Variants in TMEM126B observed in about 807,000 individuals in gnomAD.
TMEM126B encodes the protein complex I assembly factor TMEM126B, mitochondrial.
A neutral mutation model predicts 16.5 loss-of-function variants in TMEM126B; 19 were observed. The ratio of observed to expected loss-of-function variants is 1.15; its 90% CI spans 0.80 to 1.69. The LOEUF is 1.69. Among genes scored for constraint, TMEM126B ranks in the 40% most tolerant of loss-of-function variants. TMEM126B has a pLI of 0.00. For synonymous variants in TMEM126B, 104 were observed against 93.2 expected (o/e 1.12, Z -0.67); for missense variants, 293 against 278.7 (o/e 1.05, Z -0.37).
intron 2 of TMEM126B, among the ~76,000 whole-genome samples, chr11:85,633,212 T>G (rs2082337219): frequency 6.6e-6 from 1 of 152,204 alleles, no homozygotes; most frequent in South Asian, 2.1e-4. Context: ...TTGCTGGACA[T>G]TTGGGTTGGT....
In TMEM126B at chr11:85,631,025, G is replaced by A. The variant is rs1565790404; in HGVS notation, c.82-662G>A. On this transcript the variant is annotated intron_variant, in intron 1 of 4. Transcript: ENST00000358867. ...ATAGGGAACTGGATATATAATTTAT[G>A]TACTCCAAAGTAGTAGCCACAATCC... 1.5e-5 allele frequency: 9 copies of A among 613,790 alleles called. No individual in the cohort carries two copies. The Admixed American group carries it at 1.9e-4, about 13-fold the overall frequency. The allele number at this position is 613,790 out of a possible 1,614,324, so 38.0% of individuals were successfully genotyped here.
In TMEM126B at chr11:85,636,353, A is replaced by C. The variant is rs1220126127; in HGVS notation, c.*124A>C. 1 of 602,854 alleles carries C rather than the reference A, an allele frequency of 1.7e-6. No individual in the cohort carries two copies. The highest frequency in any genetic ancestry group is 1.9e-5 in the African/African-American group (1 of 53,840). 37.3% of individuals were successfully genotyped at this position (602,854 alleles called of 1,614,324 possible). ...TTGTTCTGTGCCTTTTGCCTGGTAT[A>C]TAGCAAATACTCAAAAAGTATTCAA... On this transcript the variant is annotated 3_prime_UTR_variant, in exon 5 of 5. Coordinates refer to ENST00000358867, the MANE Select transcript of TMEM126B (RefSeq NM_018480.7).
At chr11:85,629,027 T>C in intron 1 of TMEM126B, 1 of 478,806 alleles carries the variant, frequency 2.1e-6, no homozygotes, top group Non-Finnish European at 4.1e-6. Flanking sequence ...TGTCACTTCT[T>C]CCGGGAAGCC....
rs1402172536 is a variant in TMEM126B at position 85,636,263 on chromosome 11, TGAA to T, written c.*36_*38del. 7.2e-7 allele frequency: 1 copy of T among 1,395,888 alleles called. No individual in the cohort carries two copies. Among genetic ancestry groups the T allele is most frequent in the Admixed American group, 2.7e-5 (1 of 36,890 alleles). 86.5% of individuals were successfully genotyped at this position (1,395,888 alleles called of 1,614,324 possible). A position where few individuals can be genotyped will look rare whatever the true frequency, so the allele number is the denominator to read the frequency against. ...ATGAATGGTTGCTAACTTAGCAAAA[TGAA>T]GTTTCTATAAAGAGGACTCAGGCAT... On this transcript the variant is annotated 3_prime_UTR_variant, in exon 5 of 5. Transcript: ENST00000358867.
rs779430515 is a variant in TMEM126B at position 85,628,666 on chromosome 11, T to G, written c.59T>G (p.Val20Gly). 1 of 1,536,118 alleles carries G rather than the reference T, an allele frequency of 6.5e-7. No individual in the cohort carries two copies. Among genetic ancestry groups the G allele is most frequent in the South Asian group, 1.2e-5 (1 of 84,064 alleles). The change falls in exon 1 of 5, where the codon GTG (valine) becomes GGG (glycine). Residue 20 changes from valine to glycine, a missense_variant. By Grantham distance (109) the Val-to-Gly change is moderately radical. Coordinates refer to ENST00000358867, the MANE Select transcript of TMEM126B (RefSeq NM_018480.7). ...CCAAGGGATTCAGGTGTGGTGCCGG[T>G]GGGAACTGAGGAAGCGCCCAAGGTA... is the stretch of plus-strand genomic sequence containing the variant. ...TKPRDSGVVP[V>G]GTEEAPKVFK...
intron 2 of TMEM126B, among the ~76,000 whole-genome samples, chr11:85,633,018 G>A (rs2082332147): frequency 6.6e-6 from 1 of 151,792 alleles, no homozygotes; most frequent in Admixed American, 6.6e-5. Context: ...TGTTCTCATT[G>A]TTCATTTCCC....
chr11:85,631,771 A>G lies in TMEM126B; in HGVS notation c.166A>G (p.Ile56Val), dbSNP rs1246011858. 2 of 1,612,858 alleles carry G rather than the reference A, an allele frequency of 1.2e-6. No homozygotes were observed. The highest frequency in any genetic ancestry group is 1.7e-5 in the Admixed American group (1 of 59,690). ...AKLRRPMVIE[I>V]IEKNFDYLRK... ...ACTCAGAAGACCAATGGTCATAGAA[A>G]TCATAGAAAAAAATTTTGACTATCT... Residue 56 changes from isoleucine (I) to valine (V), a missense_variant, in exon 2 of 5, where the codon ATC becomes GTC. Coordinates refer to ENST00000358867, the MANE Select transcript of TMEM126B (RefSeq NM_018480.7).
chr11:85,629,197 C>G (rs1203583423), intron 1 of TMEM126B: 1 of 1,287,438 alleles, frequency 7.8e-7, no homozygotes, highest in African/African-American at 1.5e-5. Context: ...ATCTTGATTA[C>G]CCGGAGGTCT....
intron 2 of TMEM126B, among the ~76,000 whole-genome samples, chr11:85,633,244 A>C (rs969209446): frequency 6.6e-6 from 1 of 152,174 alleles, no homozygotes; most frequent in African/African-American, 2.4e-5. Flanking sequence ...GCTATTGTGA[A>C]TAGTGCCACA....
intron 3 of TMEM126B, among the ~76,000 whole-genome samples, chr11:85,635,378 C>T (rs1419014447): frequency 2.0e-5 from 3 of 152,232 alleles, no homozygotes; most frequent in Non-Finnish European, 4.4e-5. Flanking sequence ...TGCCACTGTA[C>T]TCTAGCCTGG....
At position 85,636,215 on chromosome 11, in the gene TMEM126B, A is replaced by G. The variant is rs1565794812; in HGVS notation, c.679A>G (p.Ile227Val). 2.0e-6 allele frequency: 3 copies of G among 1,531,446 alleles called. No homozygotes were observed. The highest frequency in any genetic ancestry group is 1.3e-5 in the South Asian group (1 of 78,398). The allele number at this position is 1,531,446 out of a possible 1,614,324, so 94.9% of individuals were successfully genotyped here. The change falls in exon 5 of 5, where the codon ATA (isoleucine) becomes GTA (valine). Residue 227 changes from isoleucine (I) to valine (V), a missense_variant. Ile to Val is a conservative substitution (Grantham distance 29, BLOSUM62 3). Transcript: ENST00000358867. ...ATTTGAAGAGACACTTGAGAAAACTATACATGAAGAGTAACCAAAAAAATG... is the reference window on the plus strand; with the variant it reads ...ATTTGAAGAGACACTTGAGAAAACTGTACATGAAGAGTAACCAAAAAAATG... Reference protein sequence around the residue: ...AVFEETLEKTIHEE With the variant: ...AVFEETLEKTVHEE
Position 85,630,351 on chromosome 11 carries a change from G to C in TMEM126B, c.82-1336G>C, listed in dbSNP as rs1327879202. ...CTCTTGTCTAGGACTCCTTAAATTTGAGATTTAGTATTTCCCTTTAATATA... is the reference window on the plus strand; with the variant it reads ...CTCTTGTCTAGGACTCCTTAAATTTCAGATTTAGTATTTCCCTTTAATATA... On this transcript the variant is annotated intron_variant, in intron 1 of 4. Coordinates refer to ENST00000358867, the MANE Select transcript of TMEM126B (RefSeq NM_018480.7). Among the ~76,000 whole-genome samples, 3 of 152,150 alleles carry C rather than the reference G, an allele frequency of 2.0e-5. 1 individual carries two copies. The highest frequency in any genetic ancestry group is 2.0e-4 in the Admixed American group (3 of 15,276).
chr11:85,633,057 GT>G (rs2082333134), intron 2 of TMEM126B, among the ~76,000 whole-genome samples: 1 of 151,874 alleles, frequency 6.6e-6, no homozygotes, highest in African/African-American at 2.4e-5. Context: ...GCGGTGTTTG[GT>G]TTTTTGTTCT....
rs114372556 is a variant in TMEM126B, at chr11:85,632,166, T to C, written c.203+358T>C. Among the ~76,000 whole-genome samples the C allele has an allele frequency of 6.4e-3, 979 of 152,340 alleles. 8 individuals carry two copies. The highest frequency in any genetic ancestry group is 0.023 in the African/African-American group (956 of 41,584). On this transcript the variant is annotated intron_variant, in intron 2 of 4. Coordinates refer to ENST00000358867, the MANE Select transcript of TMEM126B (RefSeq NM_018480.7). ...TGAGTAATTATAATCAGTTTAGGAT[T>C]GATTATCTCAGCCACAGTACTTAGT...
intron 2 of TMEM126B, among the ~76,000 whole-genome samples, chr11:85,632,513 G>A (rs993819061): frequency 2.6e-5 from 4 of 152,188 alleles, no homozygotes; most frequent in Non-Finnish European, 5.9e-5. Context: ...GACAGTTGAT[G>A]TTATTTCCTG....
intron 1 of TMEM126B, among the ~76,000 whole-genome samples, chr11:85,629,884 C>T (rs1242286865): frequency 6.6e-6 from 1 of 152,002 alleles, no homozygotes; most frequent in Admixed American, 6.5e-5. Flanking sequence ...TTTCCCCCTG[C>T]CCTCTCCAGA....
intron 2 of TMEM126B, among the ~76,000 whole-genome samples, chr11:85,633,109 ATG>A (rs2082334662): frequency 6.6e-6 from 1 of 152,224 alleles, no homozygotes; most frequent in South Asian, 2.1e-4. Context: ...AACTTCATCC[ATG>A]TCCCTACAAA....
At chr11:85,634,356 CTAA>C (rs2082360688) in intron 3 of TMEM126B, 77 bp downstream of exon 3, 1 of 1,021,736 alleles carries the variant, frequency 9.8e-7, no homozygotes, top group Non-Finnish European at 1.4e-6. Context: ...GTTGCTACTG[CTAA>C]TAATAATTCT....
chr11:85,633,442 C>A (rs1467369560), intron 2 of TMEM126B, among the ~76,000 whole-genome samples: 1 of 152,212 alleles, frequency 6.6e-6, no homozygotes, highest in Non-Finnish European at 1.5e-5. Context: ...GTTCCTATTT[C>A]TCCACATCCT....
Sources: gnomAD v4.1 joint callset for allele counts (sites outside exome capture counted in the v4.1 genomes callset) on GRCh38, gnomAD v4.1.1 for gene constraint, MANE v1.5 for transcripts, NCBI Gene and HGNC (gene_info 2026-07-23, HGNC 2026-07-21) for gene names.